The following EIF4G3 variants were observed in gnomAD, a reference collection of about 807,000 sequenced individuals.
The protein encoded by EIF4G3 is eukaryotic translation initiation factor 4 gamma 3.
A neutral mutation model predicts 186.4 loss-of-function variants in EIF4G3; 34 were observed. That is an observed-to-expected ratio of 0.18 (90% CI 0.14 to 0.24). The LOEUF (loss-of-function observed/expected upper bound fraction) is 0.24, where lower values mean the gene tolerates loss of function less well. Ranked by LOEUF, EIF4G3 falls within the 10% of genes least tolerant of loss-of-function variation. EIF4G3 has a pLI of 1.00. For missense variants in EIF4G3, 1,536 were observed against 1,948.5 expected (o/e 0.79, Z 3.99); for synonymous variants, 673 against 679.5 (o/e 0.99, Z 0.15).
At chr1:20,831,518 G>A (rs1363564946) in intron 30 of EIF4G3, among the ~76,000 whole-genome samples, 2 of 150,524 alleles carry the variant, frequency 1.3e-5, no homozygotes, top group Admixed American at 6.6e-5. Flanking sequence ...CAACCTGATC[G>A]ATTCTTTGCC....
intron 3 of EIF4G3, among the ~76,000 whole-genome samples, chr1:21,085,423 G>C (rs1434404182): frequency 6.6e-6 from 1 of 152,114 alleles, no homozygotes; most frequent in East Asian, 1.9e-4. Context: ...TTAAGACACA[G>C]GATTTTGCTC....
intron 20 of EIF4G3, among the ~76,000 whole-genome samples, chr1:20,878,741 T>G (rs969995496): frequency 7.2e-5 from 11 of 152,166 alleles, no homozygotes; most frequent in Non-Finnish European, 1.5e-4. Context: ...GACTGTGGAA[T>G]AGAGGACAAT....
chr1:20,969,093 C>CA (rs1313865473), intron 12 of EIF4G3, among the ~76,000 whole-genome samples: 11 of 152,276 alleles, frequency 7.2e-5, no homozygotes, highest in African/African-American at 2.6e-4. Flanking sequence ...AAATTCTCAA[C>CA]CTTAATGTTT....
intron 17 of EIF4G3, 50 bp from the exon 18 acceptor site, chr1:20,893,686 T>C (rs767673074): frequency 1.4e-6 from 2 of 1,436,324 alleles, no homozygotes; most frequent in South Asian, 3.2e-5. Context: ...GAGCATTCCC[T>C]GCCACAAAAG....
intron 2 of EIF4G3, among the ~76,000 whole-genome samples, chr1:21,155,262 C>CAA (rs34182850): frequency 0.15 from 6,428 of 43,108 alleles, 1,113 homozygotes; most frequent in African/African-American, 0.29. Context: ...GACTCTGTCT[C>CAA]AAAAAAAAAA....
chr1:21,138,870 C>T (rs2097292837), intron 2 of EIF4G3, among the ~76,000 whole-genome samples: 1 of 152,056 alleles, frequency 6.6e-6, no homozygotes, highest in Non-Finnish European at 1.5e-5. Context: ...ACTATCATTG[C>T]CCATTAATTT....
chr1:21,100,037 A>G (rs1466807901), intron 2 of EIF4G3, among the ~76,000 whole-genome samples: 1 of 152,206 alleles, frequency 6.6e-6, no homozygotes, highest in Non-Finnish European at 1.5e-5. Flanking sequence ...CAATAAAAAG[A>G]AAGTGGTGAT....
intron 12 of EIF4G3, among the ~76,000 whole-genome samples, chr1:20,956,320 T>C (rs1051333129): frequency 9.9e-5 from 15 of 152,170 alleles, no homozygotes; most frequent in African/African-American, 2.4e-4. Flanking sequence ...CACTGGATAG[T>C]ATTTTGTGGG....
At chr1:21,118,523 A>T (rs939921625) in intron 2 of EIF4G3, among the ~76,000 whole-genome samples, 1 of 152,300 alleles carries the variant, frequency 6.6e-6, no homozygotes, top group African/African-American at 2.4e-5. Context: ...GCAGTGGTCC[A>T]CACCTGTAAA....
intron 14 of EIF4G3, among the ~76,000 whole-genome samples, chr1:20,924,629 G>A (rs113907817): frequency 0.029 from 4,421 of 152,274 alleles, 207 homozygotes; most frequent in African/African-American, 0.098. Flanking sequence ...GCAGTGGCAC[G>A]ATGTCGGCTT....
intron 16 of EIF4G3, among the ~76,000 whole-genome samples, chr1:20,897,100 A>C (rs1402579366): frequency 1.3e-5 from 2 of 152,222 alleles, no homozygotes; most frequent in African/African-American, 4.8e-5. Context: ...CTTCATGAAC[A>C]AACAAAAAAT....
intron 20 of EIF4G3, 38 bp downstream of exon 20, chr1:20,879,285 T>C: frequency 6.6e-7 from 1 of 1,519,604 alleles, no homozygotes; most frequent in Non-Finnish European, 8.9e-7. Flanking sequence ...AATATACCTC[T>C]TGAAGATTTC....
chr1:20,908,441 CTA>C (rs2092642217), intron 14 of EIF4G3, among the ~76,000 whole-genome samples: 1 of 152,098 alleles, frequency 6.6e-6, no homozygotes, highest in Non-Finnish European at 1.5e-5. Flanking sequence ...TGTCTTCTCT[CTA>C]TGTAAGTTTT....
intron 3 of EIF4G3, among the ~76,000 whole-genome samples, chr1:21,054,087 A>G (rs1340949544): frequency 1.3e-5 from 2 of 152,254 alleles, no homozygotes; most frequent in East Asian, 3.9e-4. Context: ...GTGTAGAAAG[A>G]GGTAGACATG....
chr1:21,176,254 C>T lies in EIF4G3; in HGVS notation c.-351G>A. 1 of 379,680 alleles carries T rather than the reference C, an allele frequency of 2.6e-6. No individual in the cohort carries two copies. The highest frequency in any genetic ancestry group is 4.6e-6 in the Non-Finnish European group (1 of 219,204). 23.5% of individuals were successfully genotyped at this position (379,680 alleles called of 1,614,324 possible). On this transcript the variant is annotated 5_prime_UTR_variant, in exon 2 of 37. Coordinates refer to ENST00000602326, the MANE Select transcript of EIF4G3 (RefSeq NM_001391906.1). Reference sequence around the variant, plus strand: ...GCTGCCGCCGCCGCCGCCGCCGCCGCCGCCGCCGCCGCTGCTGCCGCCGCC... The same window carrying T: ...GCTGCCGCCGCCGCCGCCGCCGCCGTCGCCGCCGCCGCTGCTGCCGCCGCC...
chr1:20,975,987 T>A (rs1294374399), intron 10 of EIF4G3, among the ~76,000 whole-genome samples: 6 of 152,010 alleles, frequency 3.9e-5, no homozygotes, highest in Non-Finnish European at 7.4e-5. Flanking sequence ...ATATTTACTA[T>A]CTAGCCCTTT....
At chr1:21,144,363 C>T (rs1469223993) in intron 2 of EIF4G3, among the ~76,000 whole-genome samples, 1 of 152,146 alleles carries the variant, frequency 6.6e-6, no homozygotes, top group Non-Finnish European at 1.5e-5. Context: ...GAGGGAGCCT[C>T]CCACCTCAGC....
intron 14 of EIF4G3, among the ~76,000 whole-genome samples, chr1:20,917,233 A>G (rs1044198072): frequency 2.0e-5 from 3 of 152,248 alleles, no homozygotes; most frequent in African/African-American, 7.2e-5. Flanking sequence ...ATGGTGGTTC[A>G]TGCCTTTAAT....
chr1:20,837,345 A>G (rs1041155262), intron 30 of EIF4G3, among the ~76,000 whole-genome samples: 4 of 152,152 alleles, frequency 2.6e-5, no homozygotes, highest in Admixed American at 1.3e-4. Flanking sequence ...AGCTGGGATT[A>G]CAGGCATGCG....
Sources: gnomAD v4.1 joint callset for allele counts (sites outside exome capture counted in the v4.1 genomes callset) on GRCh38, gnomAD v4.1.1 for gene constraint, MANE v1.5 for transcripts, NCBI Gene and HGNC (gene_info 2026-07-23, HGNC 2026-07-21) for gene names.